PTCHD1: variants seen among roughly 807,000 people sequenced by gnomAD.
The protein encoded by PTCHD1 is patched domain containing 1.
PTCHD1 carries 3 observed loss-of-function variants against 34.6 expected under a neutral mutation model. That is an observed-to-expected ratio of 0.09 (90% CI 0.04 to 0.22). The LOEUF (loss-of-function observed/expected upper bound fraction) is 0.22, where lower values mean the gene tolerates loss of function less well. Ranked by LOEUF, PTCHD1 falls within the 10% of genes least tolerant of loss-of-function variation. The probability of loss-of-function intolerance (pLI) is 1.00; values close to 1 mark genes in which losing one functional copy is unlikely to be tolerated. For missense variants in PTCHD1, 504 were observed against 685.5 expected, an observed-to-expected ratio of 0.74 and a Z score of 2.96; for synonymous variants, 305 against 283.1, an observed-to-expected ratio of 1.08 and a Z score of -0.77.
At chrX:23,378,761 T>C (rs1202353910) in intron 1 of PTCHD1, among the ~76,000 whole-genome samples, 1 of 112,625 alleles carries the variant, frequency 8.9e-6, no homozygotes, top group African/African-American at 3.2e-5. Context: ...GAGCCTAGAA[T>C]TGTGCCTGGC....
In PTCHD1 at chrX:23,404,171, C is replaced by G. The variant is rs1445354227; in HGVS notation, c.*9986C>G. 1.8e-5 allele frequency: 2 copies of G among 112,367 alleles called. No individual in the cohort carries two copies. Among genetic ancestry groups the G allele is most frequent in the East Asian group, 5.6e-4 (2 of 3,590 alleles). The allele number at this position is 112,367 out of a possible 1,213,427, so 9.3% of individuals were successfully genotyped here. A position where few individuals can be genotyped will look rare whatever the true frequency, so the allele number is the denominator to read the frequency against. On this transcript the variant is annotated 3_prime_UTR_variant, in exon 3 of 3. Coordinates refer to ENST00000379361, the MANE Select transcript of PTCHD1 (RefSeq NM_173495.3). The stretch of plus-strand genomic sequence containing the variant: ...GTTGACTATCTTTTCATATTAAAAT[C>G]CCATCTTCCAATGAAGCATCCTGTT...
chrX:23,346,330 C>T (rs1351599302), intron 1 of PTCHD1, among the ~76,000 whole-genome samples: 2 of 111,176 alleles, frequency 1.8e-5, no homozygotes, highest in Non-Finnish European at 3.8e-5. Flanking sequence ...TGGGGTTTTG[C>T]AGTAGGGGAG....
chrX:23,368,122 A>AT (rs1348043691), intron 1 of PTCHD1, among the ~76,000 whole-genome samples: 4 of 102,474 alleles, frequency 3.9e-5, no homozygotes, highest in African/African-American at 1.6e-4. Flanking sequence ...AGACTTCTGT[A>AT]TTTAAAAAAA....
intron 1 of PTCHD1, 131 bp downstream of exon 1, chrX:23,335,357 C>T (rs895894717): frequency 3.6e-6 from 2 of 550,934 alleles, no homozygotes; most frequent in Non-Finnish European, 5.9e-6. Context: ...TCTCCTGCAC[C>T]GCGCGCCCCA....
At position 23,394,450 on chromosome X, in the gene PTCHD1, A is replaced by ACACACC. The variant is rs1254605131; in HGVS notation, c.*266_*267insACACCC. On this transcript the variant is annotated 3_prime_UTR_variant, in exon 3 of 3. Transcript: ENST00000379361. ...CACACACACACACACACACACACACACCCTGGGAGACCTATAGTCTCTTAA... is the reference window on the plus strand; with the variant it reads ...CACACACACACACACACACACACACACACACCCCCTGGGAGACCTATAGTCTCTTAA... 4.8e-5 allele frequency: 14 copies of ACACACC among 291,847 alleles called. No homozygotes were observed. The East Asian group carries it at 4.8e-4, about 10-fold the overall frequency. 24.1% of individuals were successfully genotyped at this position (291,847 alleles called of 1,213,427 possible). A position where few individuals can be genotyped will look rare whatever the true frequency, so the allele number is the denominator to read the frequency against.
chrX:23,344,220 C>T (rs775793018), intron 1 of PTCHD1, among the ~76,000 whole-genome samples: 32 of 112,076 alleles, frequency 2.9e-4, no homozygotes, highest in Non-Finnish European at 4.9e-4. Context: ...AGTTCCAGTT[C>T]TCCTAAGTAT....
intron 1 of PTCHD1, among the ~76,000 whole-genome samples, chrX:23,345,903 A>G (rs1921464187): frequency 8.9e-6 from 1 of 111,817 alleles, no homozygotes; most frequent in Non-Finnish European, 1.9e-5. Flanking sequence ...ACTGTAAGGC[A>G]AGCATGTTGA....
intron 1 of PTCHD1, among the ~76,000 whole-genome samples, chrX:23,359,000 G>T (rs1339957818): frequency 8.9e-6 from 1 of 111,827 alleles, no homozygotes; most frequent in African/African-American, 3.3e-5. Context: ...CTGTTCCATT[G>T]GTCCATATCT....
At position 23,380,172 on chromosome X, in the gene PTCHD1, T is replaced by A. The variant is rs1391103673; in HGVS notation, c.933T>A (p.Thr311=). 3 of 1,211,083 alleles carry A rather than the reference T, an allele frequency of 2.5e-6. No homozygotes were observed. The highest frequency in any genetic ancestry group is 1.8e-5 in the South Asian group (1 of 56,960). The change falls in exon 2 of 3, where the codon ACT becomes ACA. Residue 311 remains threonine (T), a synonymous_variant. Transcript: ENST00000379361. ...GATTGGTGACCATAAGCCTGGCCAC[T>A]CTCACTGCAGCCGGGATCATCAATC... The part of the protein sequence containing the change: ...LLGLVTISLA[T]LTAAGIINLT...
At chrX:23,345,395 G>T (rs780135442) in intron 1 of PTCHD1, among the ~76,000 whole-genome samples, 23 of 112,278 alleles carry the variant, frequency 2.0e-4, no homozygotes, top group Non-Finnish European at 4.1e-4. Context: ...CAAGCCCCCA[G>T]GGATATTGAT....
intron 1 of PTCHD1, among the ~76,000 whole-genome samples, chrX:23,356,112 G>A (rs137876589): frequency 1.4e-3 from 157 of 111,816 alleles, no homozygotes; most frequent in Admixed American, 3.9e-3. Context: ...ATTTAACAAG[G>A]TTTCAGGACA....
At position 23,340,980 on chromosome X, in the gene PTCHD1, T is replaced by C. The variant is rs765304988; in HGVS notation, c.351+5754T>C. ...CATTCTCCTTTCATTTCGTAGGTAG[T>C]GTATCCGAATAATCTAAGCACAGTC... is the stretch of plus-strand genomic sequence containing the variant. On this transcript the variant is annotated intron_variant, in intron 1 of 2. Coordinates refer to ENST00000379361, the MANE Select transcript of PTCHD1 (RefSeq NM_173495.3). 4.4e-5 allele frequency among the ~76,000 whole-genome samples: 5 copies of C among 112,612 alleles called. No individual in the cohort carries two copies. The South Asian group carries it at 1.8e-3, about 41-fold the overall frequency.
chrX:23,348,758 C>T (rs761347924), intron 1 of PTCHD1, among the ~76,000 whole-genome samples: 4 of 111,519 alleles, frequency 3.6e-5, no homozygotes, highest in African/African-American at 1.3e-4. Context: ...ATGAGTTCAT[C>T]GCCAGCAGTG....
In PTCHD1 at chrX:23,357,767, C is replaced by G. The variant is rs183332010; in HGVS notation, c.352-21824C>G. Among the ~76,000 whole-genome samples the G allele has an allele frequency of 1.2e-4, 13 of 111,387 alleles. No homozygotes were observed. In the East Asian group the frequency reaches 3.7e-3, roughly 31 times the overall value. On this transcript the variant is annotated intron_variant, in intron 1 of 2. Coordinates refer to ENST00000379361, the MANE Select transcript of PTCHD1 (RefSeq NM_173495.3). Reference sequence around the variant, plus strand: ...GCTGACTTCACAACACCCATCAACCCGTCATTTACATTAGGTATTTCTCCC... The same window carrying G: ...GCTGACTTCACAACACCCATCAACCGGTCATTTACATTAGGTATTTCTCCC...
intron 1 of PTCHD1, among the ~76,000 whole-genome samples, chrX:23,365,746 G>A: frequency 8.9e-6 from 1 of 112,021 alleles, no homozygotes; most frequent in Middle Eastern, 4.6e-3. Flanking sequence ...AGATGGTGAA[G>A]TGGGCTCTGT....
intron 1 of PTCHD1, among the ~76,000 whole-genome samples, chrX:23,349,521 T>A (rs931968207): frequency 8.9e-6 from 1 of 112,018 alleles, no homozygotes; most frequent in Non-Finnish European, 1.9e-5. Flanking sequence ...GTAGCTATGT[T>A]CATTTCAGAC....
At chrX:23,363,443 A>G (rs948232674) in intron 1 of PTCHD1, among the ~76,000 whole-genome samples, 1 of 113,117 alleles carries the variant, frequency 8.8e-6, no homozygotes, top group African/African-American at 3.2e-5. Flanking sequence ...CTCCATGGGC[A>G]TGGGACCTGC....
chrX:23,391,017 C>G (rs142496854), intron 2 of PTCHD1, among the ~76,000 whole-genome samples: 1 of 112,044 alleles, frequency 8.9e-6, no homozygotes, highest in African/African-American at 3.2e-5. Context: ...TCGAAATCCA[C>G]AACGGGTCAC....
At chrX:23,353,493 G>A (rs1921705296) in intron 1 of PTCHD1, among the ~76,000 whole-genome samples, 1 of 112,780 alleles carries the variant, frequency 8.9e-6, no homozygotes, top group African/African-American at 3.2e-5. Context: ...GGAGGCTGAG[G>A]CAGGAGAATC....
Sources: gnomAD v4.1 joint callset for allele counts (sites outside exome capture counted in the v4.1 genomes callset) on GRCh38, gnomAD v4.1.1 for gene constraint, MANE v1.5 for transcripts, NCBI Gene and HGNC (gene_info 2026-07-23, HGNC 2026-07-21) for gene names.